C12orf56: variants seen among roughly 807,000 people sequenced by gnomAD.
C12orf56 encodes the protein chromosome 12 open reading frame 56.
In C12orf56, 71 loss-of-function variants were observed where a neutral mutation model predicts 69.9. The observed-to-expected ratio is 1.02, with a 90% CI of 0.84 to 1.24. The LOEUF is 1.24. C12orf56 is among the 50% of genes most tolerant of loss of function. C12orf56 has a pLI of 0.00. For missense variants in C12orf56, 732 were observed against 738.5 expected, an observed-to-expected ratio of 0.99 and a Z score of 0.10; for synonymous variants, 276 against 274.1, an observed-to-expected ratio of 1.01 and a Z score of -0.07.
intron 2 of C12orf56, among the ~76,000 whole-genome samples, chr12:64,336,987 T>C (rs891523702): frequency 3.3e-5 from 5 of 152,138 alleles, no homozygotes; most frequent in Admixed American, 6.6e-5. Flanking sequence ...CTGAGACTCA[T>C]AAAGGTTAAG....
At chr12:64,371,655 A>G (rs2039571844) in intron 1 of C12orf56, among the ~76,000 whole-genome samples, 2 of 151,714 alleles carry the variant, frequency 1.3e-5, no homozygotes, top group Non-Finnish European at 2.9e-5. Context: ...ACATGGTGAA[A>G]CCCGGCTCTA....
intron 1 of C12orf56, among the ~76,000 whole-genome samples, chr12:64,364,050 C>T (rs1323166817): frequency 5.3e-5 from 8 of 151,482 alleles, no homozygotes; most frequent in Admixed American, 1.3e-4. Flanking sequence ...CGGTGGCTCA[C>T]GCCTGTAATC....
rs566773723 is a variant in C12orf56 at position 64,287,258 on chromosome 12, A to AGAAGAAGAAGAAG, written c.1114-1199_1114-1198insCTTCTTCTTCTTC. On this transcript the variant is annotated intron_variant, in intron 6 of 12. Transcript: ENST00000543942. Reference sequence around the variant, plus strand: ...GAGACTCCATCAAAAAAAAAAAAAAAAAAAAGAAGAAGAAGAAGAAGAAGA... The same window carrying AGAAGAAGAAGAAG: ...GAGACTCCATCAAAAAAAAAAAAAAAGAAGAAGAAGAAGAAAAAGAAGAAGAAGAAGAAGAAGA... 1.6e-3 allele frequency among the ~76,000 whole-genome samples: 209 copies of AGAAGAAGAAGAAG among 132,234 alleles called. 1 individual carries two copies. Among genetic ancestry groups the AGAAGAAGAAGAAG allele is most frequent in the African/African-American group, 5.4e-3 (195 of 35,964 alleles). The allele number at this position is 132,234 out of a possible 152,430, so 86.8% of individuals were successfully genotyped here.
intron 1 of C12orf56, among the ~76,000 whole-genome samples, chr12:64,379,475 A>C (rs1346915593): frequency 6.6e-6 from 1 of 151,254 alleles, no homozygotes; most frequent in Non-Finnish European, 1.5e-5. Flanking sequence ...TTTAGTAGAG[A>C]CGGGATTTCA....
At chr12:64,268,127 T>C (rs1401268402) in intron 12 of C12orf56, among the ~76,000 whole-genome samples, 1 of 152,216 alleles carries the variant, frequency 6.6e-6, no homozygotes, top group Non-Finnish European at 1.5e-5. Flanking sequence ...AACCTGTAGT[T>C]GCTCAGATAA....
rs937556449 is a variant in C12orf56 at position 64,267,055 on chromosome 12, A to G, written c.*128T>C. The G allele has an allele frequency of 6.2e-6, 4 of 647,828 alleles. No homozygotes were observed. The highest frequency in any genetic ancestry group is 1.0e-5 in the Non-Finnish European group (4 of 392,834). 40.1% of individuals were successfully genotyped at this position (647,828 alleles called of 1,614,324 possible). A position where few individuals can be genotyped will look rare whatever the true frequency, so the allele number is the denominator to read the frequency against. On this transcript the variant is annotated 3_prime_UTR_variant, in exon 13 of 13. Transcript: ENST00000543942. ...GAGGTATTGATGGAACATTCAATTA[A>G]AATCTTTGTTTATAGGACTCAGAGA...
chr12:64,348,929 G>T (rs1040943279), intron 2 of C12orf56, among the ~76,000 whole-genome samples: 1 of 152,148 alleles, frequency 6.6e-6, no homozygotes, highest in Non-Finnish European at 1.5e-5. Context: ...GAGCTGAATT[G>T]TCCACAAATA....
intron 3 of C12orf56, among the ~76,000 whole-genome samples, chr12:64,322,496 T>G (rs1407873694): frequency 6.6e-6 from 1 of 152,168 alleles, no homozygotes; most frequent in African/African-American, 2.4e-5. Context: ...ACTTACTTCT[T>G]AGAGCATGGT....
At chr12:64,323,835 T>G (rs1165930226) in intron 3 of C12orf56, among the ~76,000 whole-genome samples, 2 of 152,168 alleles carry the variant, frequency 1.3e-5, no homozygotes, top group Non-Finnish European at 2.9e-5. Context: ...AAAACCTCTT[T>G]TATTTTTCTA....
At chr12:64,351,870 G>GA (rs34411804) in intron 2 of C12orf56, among the ~76,000 whole-genome samples, 21,932 of 147,158 alleles carry the variant, frequency 0.15, 1,804 homozygotes, top group East Asian at 0.27. Context: ...GACTCCTTTG[G>GA]AAAAAAAAAA....
At chr12:64,272,232 C>T (rs190329840) in intron 11 of C12orf56, among the ~76,000 whole-genome samples, 3 of 152,236 alleles carry the variant, frequency 2.0e-5, no homozygotes, top group Non-Finnish European at 2.9e-5. Flanking sequence ...CGGCCAGGCA[C>T]GGTGGCTCAC....
At chr12:64,273,436 A>G (rs1356150732) in intron 11 of C12orf56, among the ~76,000 whole-genome samples, 2 of 152,322 alleles carry the variant, frequency 1.3e-5, no homozygotes, top group South Asian at 4.1e-4. Context: ...GTGGGAAGAG[A>G]TTAAGGGATA....
chr12:64,353,083 T>A (rs1227177082), intron 1 of C12orf56, 27 bp from the exon 2 acceptor site: 2 of 1,604,824 alleles, frequency 1.2e-6, no homozygotes, highest in Non-Finnish European at 1.7e-6. Flanking sequence ...TTCACCTCAT[T>A]GAAGACAAAT....
chr12:64,388,287 C>G (rs984085513), intron 1 of C12orf56, among the ~76,000 whole-genome samples: 5 of 152,118 alleles, frequency 3.3e-5, no homozygotes, highest in South Asian at 4.2e-4. Flanking sequence ...AGCTGTGTCA[C>G]CCAGGCTGAA....
intron 2 of C12orf56, among the ~76,000 whole-genome samples, chr12:64,345,457 A>G (rs1242024191): frequency 1.3e-5 from 2 of 152,192 alleles, no homozygotes; most frequent in African/African-American, 4.8e-5. Context: ...CAGTGTCCCC[A>G]ACTTCATCAG....
Position 64,264,924 on chromosome 12 carries a change from G to T in C12orf56, c.*2259C>A, listed in dbSNP as rs1456942076. 2 of 152,182 alleles carry T rather than the reference G, an allele frequency of 1.3e-5. No homozygotes were observed. The highest frequency in any genetic ancestry group is 2.9e-5 in the Non-Finnish European group (2 of 68,034). The allele number at this position is 152,182 out of a possible 1,614,324, so 9.4% of individuals were successfully genotyped here. On this transcript the variant is annotated 3_prime_UTR_variant, in exon 13 of 13. Coordinates refer to ENST00000543942, the MANE Select transcript of C12orf56 (RefSeq NM_001170633.2). ...CTTTAGCCCCACATAAAAAGATTCA[G>T]ATATATTTTGACAGAGATTTTGCTC... is the stretch of plus-strand genomic sequence containing the variant.
At position 64,266,065 on chromosome 12, in the gene C12orf56, CTG is replaced by C. The variant is rs1325199612; in HGVS notation, c.*1116_*1117del. On this transcript the variant is annotated 3_prime_UTR_variant, in exon 13 of 13. Coordinates refer to ENST00000543942, the MANE Select transcript of C12orf56 (RefSeq NM_001170633.2). ...GAAGTGACATTCTATACAGCTATGC[CTG>C]TGTTCTGCTCATTCTTCCAGGAATA... 1 of 152,214 alleles carries C rather than the reference CTG, an allele frequency of 6.6e-6. No individual in the cohort carries two copies. The highest frequency in any genetic ancestry group is 1.5e-5 in the Non-Finnish European group (1 of 68,048). The allele number at this position is 152,214 out of a possible 1,614,324, so 9.4% of individuals were successfully genotyped here.
chr12:64,347,467 G>A (rs866209868), intron 2 of C12orf56, among the ~76,000 whole-genome samples: 7 of 151,940 alleles, frequency 4.6e-5, no homozygotes, highest in Admixed American at 3.3e-4. Flanking sequence ...TGTATTTTTA[G>A]TAGAGACAGA....
chr12:64,361,878 A>G (rs1279061652), intron 1 of C12orf56, among the ~76,000 whole-genome samples: 1 of 152,052 alleles, frequency 6.6e-6, no homozygotes, highest in Non-Finnish European at 1.5e-5. Context: ...GATTACAGGC[A>G]TGCGCCACCA....
Sources: allele counts gnomAD v4.1 joint callset (sites outside exome capture counted in the v4.1 genomes callset), GRCh38; gene constraint gnomAD v4.1.1; transcripts MANE v1.5; gene names NCBI Gene and HGNC (gene_info 2026-07-23, HGNC 2026-07-21).